P4HA1: variants seen among roughly 807,000 people sequenced by gnomAD.
P4HA1 encodes prolyl 4-hydroxylase subunit alpha 1.
In P4HA1, 24 loss-of-function variants were observed where a neutral mutation model predicts 72.8. That is an observed-to-expected ratio of 0.33 (90% CI 0.24 to 0.46). The LOEUF (loss-of-function observed/expected upper bound fraction) is 0.46. Ranked by LOEUF, P4HA1 falls within the 20% of genes least tolerant of loss-of-function variation. The probability of loss-of-function intolerance (pLI) is 1.00; values close to 1 mark genes in which losing one functional copy is unlikely to be tolerated. For missense variants in P4HA1, 446 were observed against 640.6 expected (o/e 0.70, Z 3.28); for synonymous variants, 201 against 218.8 (o/e 0.92, Z 0.72).
At chr10:73,090,976 G>C (rs1281847003) in intron 1 of P4HA1, among the ~76,000 whole-genome samples, 2 of 147,802 alleles carry the variant, frequency 1.4e-5, no homozygotes, top group Non-Finnish European at 3.0e-5. Context: ...GCAGAGAATT[G>C]CTTGAACCCA....
At chr10:73,057,641 A>G (rs900702794) in intron 5 of P4HA1, among the ~76,000 whole-genome samples, 5 of 152,224 alleles carry the variant, frequency 3.3e-5, no homozygotes, top group Non-Finnish European at 7.3e-5. Flanking sequence ...ATTAAAATGC[A>G]TGGAAGTTCA....
intron 12 of P4HA1, 101 bp from the exon 13 acceptor site, chr10:73,011,138 T>C (rs1839902745): frequency 3.3e-6 from 3 of 902,196 alleles, no homozygotes; most frequent in African/African-American, 1.7e-5. Flanking sequence ...TGGGAACATA[T>C]GGACTTGTTC....
At chr10:73,083,370 G>C (rs1204397995) in intron 1 of P4HA1, among the ~76,000 whole-genome samples, 1 of 152,102 alleles carries the variant, frequency 6.6e-6, no homozygotes, top group Non-Finnish European at 1.5e-5. Context: ...TCTGTACTAG[G>C]GTAGTGAACT....
intron 7 of P4HA1, among the ~76,000 whole-genome samples, chr10:73,050,814 C>G (rs1042843805): frequency 7.2e-5 from 11 of 152,104 alleles, no homozygotes; most frequent in African/African-American, 2.7e-4. Flanking sequence ...AAGTGATCCT[C>G]CCACCTCAGA....
At chr10:73,028,508 C>T (rs1386079181) in intron 10 of P4HA1, among the ~76,000 whole-genome samples, 4 of 151,946 alleles carry the variant, frequency 2.6e-5, no homozygotes, top group African/African-American at 4.8e-5. Context: ...CTCAGCTCAC[C>T]GCAACCTCCA....
At chr10:73,027,366 C>A (rs1840300497) in intron 10 of P4HA1, among the ~76,000 whole-genome samples, 1 of 150,244 alleles carries the variant, frequency 6.7e-6, no homozygotes. Flanking sequence ...CCAAACACCA[C>A]ATGTTCTCAC....
At chr10:73,038,229 TG>T (rs1303770535) in intron 9 of P4HA1, among the ~76,000 whole-genome samples, 1 of 152,114 alleles carries the variant, frequency 6.6e-6, no homozygotes, top group Non-Finnish European at 1.5e-5. Flanking sequence ...CACTCCAGCC[TG>T]GGCGACAGAG....
intron 10 of P4HA1, among the ~76,000 whole-genome samples, chr10:73,025,894 A>G (rs1171692106): frequency 2.0e-5 from 3 of 152,206 alleles, no homozygotes; most frequent in African/African-American, 7.2e-5. Flanking sequence ...TAGGAATCCA[A>G]CTTACAAGGG....
intron 5 of P4HA1, among the ~76,000 whole-genome samples, chr10:73,062,086 G>A (rs2133115156): frequency 6.6e-6 from 1 of 152,316 alleles, no homozygotes; most frequent in South Asian, 2.1e-4. Flanking sequence ...TGGATAAAAT[G>A]ACATGATGTC....
At chr10:73,069,262 T>C (rs1422428667) in intron 4 of P4HA1, among the ~76,000 whole-genome samples, 5 of 152,308 alleles carry the variant, frequency 3.3e-5, no homozygotes, top group Admixed American at 2.6e-4. Flanking sequence ...ATAATAGTTA[T>C]GAGTTTTTAG....
chr10:73,026,914 G>C (rs1356267237), intron 10 of P4HA1, among the ~76,000 whole-genome samples: 1 of 152,226 alleles, frequency 6.6e-6, no homozygotes, highest in Non-Finnish European at 1.5e-5. Context: ...TCTCATGCCA[G>C]TTAGAATGGC....
At chr10:73,036,081 G>A (rs1776542310) in intron 9 of P4HA1, among the ~76,000 whole-genome samples, 1 of 151,678 alleles carries the variant, frequency 6.6e-6, no homozygotes, top group Admixed American at 6.6e-5. Flanking sequence ...TCAGCTACTT[G>A]GGAGGCTGAG....
At chr10:73,041,981 G>A (rs1840746513) in intron 9 of P4HA1, among the ~76,000 whole-genome samples, 1 of 151,826 alleles carries the variant, frequency 6.6e-6, no homozygotes, top group Non-Finnish European at 1.5e-5. Flanking sequence ...AAGTAACTGG[G>A]TCTACAGGTA....
At chr10:73,069,052 A>T in intron 4 of P4HA1, 69 bp from the exon 5 acceptor site, 1 of 1,179,442 alleles carries the variant, frequency 8.5e-7, no homozygotes, top group Non-Finnish European at 1.2e-6. Flanking sequence ...GAGACTTAAT[A>T]AGGATTGTTC....
In P4HA1 at chr10:73,021,682, G is replaced by A. The variant is rs150669307; in HGVS notation, c.1249-4783C>T. ...CATAGAGAATGAGCCAAAGCAGGGCGGGGCATCGCCTCACCCAGGAAGCAC... is the reference window on the plus strand; with the variant it reads ...CATAGAGAATGAGCCAAAGCAGGGCAGGGCATCGCCTCACCCAGGAAGCAC... On this transcript the variant is annotated intron_variant, in intron 10 of 14. Transcript: ENST00000394890. Among the ~76,000 whole-genome samples, 48 of 152,308 alleles carry A rather than the reference G, an allele frequency of 3.2e-4. No individual in the cohort carries two copies. The East Asian group carries it at 7.5e-3, about 24-fold the overall frequency.
chr10:73,030,703 AAAC>A (rs1264801430), intron 9 of P4HA1, among the ~76,000 whole-genome samples: 1 of 152,196 alleles, frequency 6.6e-6, no homozygotes, highest in East Asian at 1.9e-4. Flanking sequence ...ATACCAAACA[AAAC>A]AACGTTCTTT....
intron 1 of P4HA1, among the ~76,000 whole-genome samples, chr10:73,090,081 G>A (rs1373860832): frequency 1.3e-5 from 2 of 152,112 alleles, no homozygotes; most frequent in African/African-American, 4.8e-5. Flanking sequence ...CAGTCCTCCT[G>A]CCTCGGCCCC....
At chr10:73,047,861 G>T (rs985725882) in intron 7 of P4HA1, among the ~76,000 whole-genome samples, 2 of 152,118 alleles carry the variant, frequency 1.3e-5, no homozygotes, top group Admixed American at 1.3e-4. Flanking sequence ...GATCAGCCTA[G>T]GTCACACAGC....
Position 73,073,220 on chromosome 10 carries a change from C to CTTT in P4HA1, c.173+508_173+510dup, listed in dbSNP as rs573264487. Among the ~76,000 whole-genome samples the CTTT allele has an allele frequency of 1.2e-3, 143 of 116,156 alleles. 3 individuals are homozygous for CTTT. The highest frequency in any genetic ancestry group is 4.5e-3 in the African/African-American group (135 of 29,678). The allele number at this position is 116,156 out of a possible 152,430, so 76.2% of individuals were successfully genotyped here. On this transcript the variant is annotated intron_variant, in intron 3 of 14. Coordinates refer to ENST00000394890, the MANE Select transcript of P4HA1 (RefSeq NM_001017962.3). ...TCAGCTTCCTGTATCCATCCATATT[C>CTTT]TTTTTTTTTTTTTTTTTTTGAGATA...
Sources: gnomAD v4.1 joint callset for allele counts (sites outside exome capture counted in the v4.1 genomes callset) on GRCh38, gnomAD v4.1.1 for gene constraint, MANE v1.5 for transcripts, NCBI Gene and HGNC (gene_info 2026-07-23, HGNC 2026-07-21) for gene names.